FHIT: variants seen among roughly 807,000 people sequenced by gnomAD.
The protein encoded by FHIT is fragile histidine triad diadenosine triphosphatase.
Under a neutral mutation model 17.9 loss-of-function variants are expected in FHIT, and 19 were observed. The observed-to-expected ratio is 1.06, with a 90% CI of 0.74 to 1.56. The LOEUF (loss-of-function observed/expected upper bound fraction) is 1.56, where lower values mean the gene tolerates loss of function less well. Among genes scored for constraint, FHIT ranks in the 40% most tolerant of loss-of-function variants. FHIT has a pLI of 0.00. For synonymous variants in FHIT, 81 were observed against 69.7 expected (o/e 1.16, Z -0.81); for missense variants, 248 against 189.2 (o/e 1.31, Z -1.82).
intron 5 of FHIT, among the ~76,000 whole-genome samples, chr3:60,475,757 T>A (rs1377437655): frequency 2.0e-5 from 3 of 152,216 alleles, no homozygotes; most frequent in African/African-American, 7.2e-5. Flanking sequence ...CTGACACTTC[T>A]TGAGTGCTGA....
intron 5 of FHIT, among the ~76,000 whole-genome samples, chr3:60,485,402 T>A (rs1159503732): frequency 6.6e-6 from 1 of 151,924 alleles, no homozygotes; most frequent in African/African-American, 2.4e-5. Context: ...CAGAACCAAC[T>A]CAAATGCCCA....
chr3:60,335,418 T>C (rs561687235), intron 5 of FHIT, among the ~76,000 whole-genome samples: 26 of 152,222 alleles, frequency 1.7e-4, no homozygotes, highest in Non-Finnish European at 3.7e-4. Context: ...ACAGGTAACA[T>C]AGCTGATAAA....
At chr3:59,993,561 G>A (rs923784999) in intron 7 of FHIT, among the ~76,000 whole-genome samples, 1 of 151,936 alleles carries the variant, frequency 6.6e-6, no homozygotes, top group Non-Finnish European at 1.5e-5. Flanking sequence ...CCTGAGAGAA[G>A]GTGTCTTCTC....
At chr3:61,188,543 A>T (rs190755576) in intron 2 of FHIT, among the ~76,000 whole-genome samples, 57,135 of 151,976 alleles carry the variant, frequency 0.38, 11,258 homozygotes, top group East Asian at 0.6. Context: ...AACTATTCCA[A>T]TCAATAGAAA....
chr3:59,757,323 AAAC>A (rs1701268318), intron 8 of FHIT, among the ~76,000 whole-genome samples: 1 of 152,226 alleles, frequency 6.6e-6, no homozygotes, highest in Admixed American at 6.5e-5. Context: ...AAGAGATTTA[AAAC>A]AAAAAATCTA....
At chr3:60,490,712 C>T (rs2034027752) in intron 5 of FHIT, among the ~76,000 whole-genome samples, 2 of 151,212 alleles carry the variant, frequency 1.3e-5, no homozygotes, top group African/African-American at 4.9e-5. Context: ...TTCACGTCTT[C>T]TGTCTCTTAC....
intron 4 of FHIT, among the ~76,000 whole-genome samples, chr3:60,696,053 A>C (rs2107896855): frequency 6.6e-6 from 1 of 152,194 alleles, no homozygotes; most frequent in South Asian, 2.1e-4. Flanking sequence ...TAGCTCTTTT[A>C]CATATTTAAC....
Position 60,830,145 on chromosome 3 carries a change from C to G in FHIT, c.-110-8134G>C, listed in dbSNP as rs1210945439. On this transcript the variant is annotated intron_variant, in intron 3 of 9. Coordinates refer to ENST00000492590, the MANE Select transcript of FHIT (RefSeq NM_002012.4). ...TTTGAGCCTGATCTCAAAGCCACCT[C>G]TTTGAGATTTATTCATATCTCTGGG... 4.1e-4 allele frequency among the ~76,000 whole-genome samples: 63 copies of G among 152,126 alleles called. 1 individual carries two copies. The highest frequency in any genetic ancestry group is 5.9e-5 in the Non-Finnish European group (4 of 67,998).
At chr3:60,842,345 GAA>G (rs111427134) in intron 3 of FHIT, among the ~76,000 whole-genome samples, 1 of 140,000 alleles carries the variant, frequency 7.1e-6, no homozygotes. Context: ...TCTCCCACCA[GAA>G]AAAAAAAAAG....
At chr3:61,244,903 C>T (rs1157399965) in intron 1 of FHIT, among the ~76,000 whole-genome samples, 2 of 152,224 alleles carry the variant, frequency 1.3e-5, no homozygotes, top group South Asian at 2.1e-4. Context: ...ATAAAACTTA[C>T]GTTAAATAAA....
intron 5 of FHIT, among the ~76,000 whole-genome samples, chr3:60,418,352 C>A (rs1368736621): frequency 2.9e-5 from 3 of 103,572 alleles, no homozygotes; most frequent in Admixed American, 1.0e-4. Context: ...ATATACAAAC[C>A]TATATATATG....
At chr3:60,443,702 G>C (rs183218526) in intron 5 of FHIT, among the ~76,000 whole-genome samples, 54 of 152,080 alleles carry the variant, frequency 3.6e-4, no homozygotes, top group Admixed American at 3.3e-3. Context: ...TTTTTGCATC[G>C]ATGTTCATCA....
intron 3 of FHIT, among the ~76,000 whole-genome samples, chr3:60,873,722 G>T (rs1704520450): frequency 6.6e-6 from 1 of 152,180 alleles, no homozygotes. Flanking sequence ...GAAGGAACAA[G>T]CACTGTTTAA....
intron 5 of FHIT, among the ~76,000 whole-genome samples, chr3:60,457,263 C>G (rs891763456): frequency 7.9e-5 from 12 of 151,982 alleles, no homozygotes; most frequent in African/African-American, 2.9e-4. Flanking sequence ...ACAGAGCCCT[C>G]AGAAATAATG....
intron 5 of FHIT, among the ~76,000 whole-genome samples, chr3:60,182,734 G>C (rs78845788): frequency 0.011 from 1,719 of 152,112 alleles, 30 homozygotes; most frequent in African/African-American, 0.04. Context: ...AGTGAGCTAT[G>C]ATGGCACCAC....
At chr3:60,124,831 A>C (rs9813806) in intron 5 of FHIT, among the ~76,000 whole-genome samples, 70,303 of 151,964 alleles carry the variant, frequency 0.46, 16,653 homozygotes, top group Non-Finnish European at 0.49. Flanking sequence ...TTGCTCCCCC[A>C]ATTTGTAAAA....
intron 5 of FHIT, among the ~76,000 whole-genome samples, chr3:60,058,381 A>G (rs993794589): frequency 1.3e-5 from 2 of 151,970 alleles, no homozygotes; most frequent in African/African-American, 4.8e-5. Context: ...TGCCCGCCTC[A>G]GCCTCCCACA....
chr3:60,284,340 G>C (rs963634740), intron 5 of FHIT, among the ~76,000 whole-genome samples: 2 of 152,130 alleles, frequency 1.3e-5, no homozygotes, highest in African/African-American at 2.4e-5. Context: ...AAATGTGAAT[G>C]CAAACAAAAT....
chr3:61,088,502 A>G (rs965979251), intron 2 of FHIT, among the ~76,000 whole-genome samples: 2 of 152,190 alleles, frequency 1.3e-5, no homozygotes, highest in African/African-American at 4.8e-5. Context: ...TATGAAGATA[A>G]AGAGCCTTTG....
Sources: gnomAD v4.1 joint callset for allele counts (sites outside exome capture counted in the v4.1 genomes callset) on GRCh38, gnomAD v4.1.1 for gene constraint, MANE v1.5 for transcripts, NCBI Gene and HGNC (gene_info 2026-07-23, HGNC 2026-07-21) for gene names.